TBC1D22A: variants seen among roughly 807,000 people sequenced by gnomAD.
TBC1D22A encodes the protein TBC1 domain family member 22A.
Under a neutral mutation model 60.2 loss-of-function variants are expected in TBC1D22A, and 38 were observed. The ratio of observed to expected loss-of-function variants is 0.63; its 90% CI spans 0.49 to 0.83. The LOEUF is 0.83. Among genes scored for constraint, TBC1D22A ranks in the 40% least tolerant of loss-of-function variants. TBC1D22A has a pLI of 0.00. For synonymous variants in TBC1D22A, 302 were observed against 281.7 expected (o/e 1.07, Z -0.72); for missense variants, 628 against 701.0 (o/e 0.90, Z 1.18).
At chr22:46,926,743 C>T (rs1030114745) in intron 8 of TBC1D22A, among the ~76,000 whole-genome samples, 35 of 152,154 alleles carry the variant, frequency 2.3e-4, no homozygotes, top group African/African-American at 8.2e-4. Flanking sequence ...GACTGCCTCA[C>T]GGGAAATCCT....
At chr22:47,058,231 T>C (rs1027462193) in intron 11 of TBC1D22A, among the ~76,000 whole-genome samples, 3 of 152,138 alleles carry the variant, frequency 2.0e-5, no homozygotes, top group African/African-American at 7.2e-5. Context: ...GTCTCAAAGG[T>C]GGCTCTGAGG....
At chr22:46,904,378 A>T (rs1016176960) in intron 7 of TBC1D22A, among the ~76,000 whole-genome samples, 31 of 152,216 alleles carry the variant, frequency 2.0e-4, no homozygotes, top group Admixed American at 1.0e-3. Flanking sequence ...ACGCGGCAAG[A>T]TAATTTCAGG....
chr22:46,829,254 G>A (rs1281415138), intron 4 of TBC1D22A, among the ~76,000 whole-genome samples: 1 of 152,206 alleles, frequency 6.6e-6, no homozygotes, highest in Non-Finnish European at 1.5e-5. Context: ...TGAGCCCTCA[G>A]GGTAGGGGTG....
chr22:46,940,183 A>C (rs1183583344), intron 8 of TBC1D22A, among the ~76,000 whole-genome samples: 2 of 152,250 alleles, frequency 1.3e-5, no homozygotes, highest in Non-Finnish European at 2.9e-5. Context: ...CTTGCTAAAA[A>C]ATGCTGACAC....
chr22:46,793,203 G>T (rs553853155), intron 2 of TBC1D22A, among the ~76,000 whole-genome samples: 1 of 152,354 alleles, frequency 6.6e-6, no homozygotes, highest in African/African-American at 2.4e-5. Context: ...CGGGGAAGGT[G>T]CCCCAGGCAC....
intron 12 of TBC1D22A, among the ~76,000 whole-genome samples, chr22:47,170,635 C>T (rs1284578956): frequency 2.7e-5 from 4 of 150,534 alleles, no homozygotes; most frequent in Non-Finnish European, 5.9e-5. Flanking sequence ...GATGCAGGAC[C>T]GGAGAGAGGA....
intron 8 of TBC1D22A, among the ~76,000 whole-genome samples, chr22:46,959,765 C>T (rs1477612350): frequency 2.6e-5 from 4 of 152,188 alleles, no homozygotes; most frequent in African/African-American, 7.2e-5. Context: ...TCACTCTTGT[C>T]GGGAGGTTTT....
intron 11 of TBC1D22A, among the ~76,000 whole-genome samples, chr22:47,042,180 C>A (rs568819961): frequency 1.3e-5 from 2 of 152,264 alleles, no homozygotes; most frequent in Non-Finnish European, 2.9e-5. Flanking sequence ...TTCTGCCCCC[C>A]CCATGAGGCA....
chr22:46,843,355 GC>G (rs1319508287), intron 4 of TBC1D22A, among the ~76,000 whole-genome samples: 7 of 152,072 alleles, frequency 4.6e-5, no homozygotes, highest in African/African-American at 1.7e-4. Context: ...AGATAAAACA[GC>G]CACGGGTATA....
chr22:46,779,693 T>C (rs1268922731), intron 1 of TBC1D22A, among the ~76,000 whole-genome samples: 1 of 152,278 alleles, frequency 6.6e-6, no homozygotes, highest in African/African-American at 2.4e-5. Context: ...AGATGTCCGT[T>C]TGACCCAGTA....
intron 10 of TBC1D22A, among the ~76,000 whole-genome samples, chr22:47,010,313 G>A (rs753868063): frequency 3.3e-5 from 5 of 151,960 alleles, no homozygotes; most frequent in Non-Finnish European, 4.4e-5. Context: ...CAGCCAGGCC[G>A]GGGAACAGGC....
chr22:46,962,893 T>A (rs1349747381), intron 8 of TBC1D22A, among the ~76,000 whole-genome samples: 1 of 152,040 alleles, frequency 6.6e-6, no homozygotes, highest in Admixed American at 6.5e-5. Context: ...GTTCCTAAAA[T>A]TTTTTTTGTG....
At chr22:46,909,782 C>T (rs930703420) in intron 7 of TBC1D22A, among the ~76,000 whole-genome samples, 8 of 152,144 alleles carry the variant, frequency 5.3e-5, no homozygotes, top group Non-Finnish European at 1.2e-4. Context: ...ACCCGTGCCC[C>T]GTGCCTGCCT....
At chr22:47,073,154 G>A (rs1266373159) in intron 11 of TBC1D22A, among the ~76,000 whole-genome samples, 1 of 152,180 alleles carries the variant, frequency 6.6e-6, no homozygotes, top group Non-Finnish European at 1.5e-5. Flanking sequence ...TCTTCTAACT[G>A]TTGAAGCAGA....
chr22:47,081,815 T>TCAC (rs201535595), intron 11 of TBC1D22A, among the ~76,000 whole-genome samples: 7,859 of 152,264 alleles, frequency 0.052, 204 homozygotes, highest in South Asian at 0.083. Context: ...TCTAAACATA[T>TCAC]GGTGAGATAT....
intron 4 of TBC1D22A, among the ~76,000 whole-genome samples, chr22:46,840,771 G>C (rs924647803): frequency 1.3e-5 from 2 of 151,890 alleles, no homozygotes; most frequent in African/African-American, 4.8e-5. Flanking sequence ...AAGCATTCGT[G>C]AGAATTTGTA....
At chr22:46,892,128 C>A (rs899251705) in intron 6 of TBC1D22A, among the ~76,000 whole-genome samples, 13 of 152,172 alleles carry the variant, frequency 8.5e-5, no homozygotes, top group African/African-American at 3.1e-4. Context: ...AATGGTGGTT[C>A]TTAATTGGTA....
At chr22:46,898,055 T>C (rs1367614211) in intron 7 of TBC1D22A, among the ~76,000 whole-genome samples, 2 of 152,216 alleles carry the variant, frequency 1.3e-5, no homozygotes, top group Non-Finnish European at 2.9e-5. Flanking sequence ...ACCTGGAAAA[T>C]GAGATAATTT....
intron 11 of TBC1D22A, among the ~76,000 whole-genome samples, chr22:47,098,987 G>A (rs905901276): frequency 6.6e-6 from 1 of 152,186 alleles, no homozygotes; most frequent in Non-Finnish European, 1.5e-5. Flanking sequence ...GACTGCGGGG[G>A]CTCCTGAAGA....
Sources: gnomAD v4.1 joint callset for allele counts (sites outside exome capture counted in the v4.1 genomes callset) on GRCh38, gnomAD v4.1.1 for gene constraint, MANE v1.5 for transcripts, NCBI Gene and HGNC (gene_info 2026-07-23, HGNC 2026-07-21) for gene names.